FER: variants seen among roughly 807,000 people sequenced by gnomAD.
The protein encoded by FER is tyrosine-protein kinase Fer.
In FER, 63 loss-of-function variants were observed where a neutral mutation model predicts 111.0. The observed-to-expected ratio is 0.57, with a 90% CI of 0.46 to 0.70. FER has a LOEUF of 0.70. Among genes scored for constraint, FER ranks in the 30% least tolerant of loss-of-function variants. The pLI is 0.00. For synonymous variants in FER, 327 were observed against 313.9 expected (o/e 1.04, Z -0.44); for missense variants, 914 against 954.0 (o/e 0.96, Z 0.55).
chr5:109,041,631 G>A (rs1481913522), intron 14 of FER, among the ~76,000 whole-genome samples: 1 of 152,166 alleles, frequency 6.6e-6, no homozygotes, highest in Admixed American at 6.5e-5. Context: ...GAAACTGAGA[G>A]TTTGAATTGT....
At chr5:108,995,502 T>A (rs1295349126) in intron 13 of FER, among the ~76,000 whole-genome samples, 1 of 151,858 alleles carries the variant, frequency 6.6e-6, no homozygotes, top group Non-Finnish European at 1.5e-5. Flanking sequence ...CACTTATGAA[T>A]GAGAACATGT....
At chr5:109,165,465 G>A (rs1756431715) in intron 17 of FER, among the ~76,000 whole-genome samples, 1 of 152,084 alleles carries the variant, frequency 6.6e-6, no homozygotes, top group Non-Finnish European at 1.5e-5. Flanking sequence ...GTTAACCAAA[G>A]GTCATCAGAT....
chr5:108,992,743 G>A (rs190765434), intron 13 of FER, among the ~76,000 whole-genome samples: 6 of 151,338 alleles, frequency 4.0e-5, no homozygotes, highest in East Asian at 2.0e-4. Context: ...CTTCCCAGAC[G>A]GGGTGGCTGC....
At chr5:108,816,651 A>G (rs1413316660) in intron 3 of FER, among the ~76,000 whole-genome samples, 1 of 152,236 alleles carries the variant, frequency 6.6e-6, no homozygotes. Flanking sequence ...TTTTTGTACA[A>G]TCTCATGGTT....
At chr5:108,810,246 A>G (rs1014176367) in intron 3 of FER, among the ~76,000 whole-genome samples, 2 of 152,178 alleles carry the variant, frequency 1.3e-5, no homozygotes, top group African/African-American at 4.8e-5. Flanking sequence ...TATATAAGCC[A>G]GTACATAGCG....
intron 4 of FER, 51 bp downstream of exon 4, chr5:108,832,994 CA>C: frequency 1.4e-6 from 2 of 1,473,954 alleles, no homozygotes; most frequent in Admixed American, 2.2e-5. Context: ...TCCAAATTCA[CA>C]GAAATATTTT....
At chr5:108,828,958 T>G (rs987009188) in intron 3 of FER, among the ~76,000 whole-genome samples, 2 of 152,114 alleles carry the variant, frequency 1.3e-5, no homozygotes, top group African/African-American at 4.8e-5. Context: ...GAAAAAGAAT[T>G]ATCTTCCACA....
chr5:108,825,440 C>T (rs1325425806), intron 3 of FER, among the ~76,000 whole-genome samples: 1 of 152,244 alleles, frequency 6.6e-6, no homozygotes, highest in African/African-American at 2.4e-5. Flanking sequence ...CTCTGTTCTG[C>T]CCAGCTCACC....
chr5:109,047,234 T>A, intron 16 of FER, 36 bp downstream of exon 16: 5 of 1,146,558 alleles, frequency 4.4e-6, no homozygotes, highest in Non-Finnish European at 6.5e-6. Flanking sequence ...TGATGACATT[T>A]TAATGTCATG....
intron 1 of FER, among the ~76,000 whole-genome samples, chr5:108,758,313 G>T (rs911705429): frequency 6.6e-6 from 1 of 151,594 alleles, no homozygotes; most frequent in African/African-American, 2.4e-5. Flanking sequence ...ACCTAGAGTT[G>T]AATCTGTGCT....
At chr5:108,890,306 G>A (rs79412232) in intron 9 of FER, among the ~76,000 whole-genome samples, 4 of 152,056 alleles carry the variant, frequency 2.6e-5, no homozygotes, top group Non-Finnish European at 5.9e-5. Flanking sequence ...GTTTCTTAGG[G>A]CTGCTGTAAT....
At chr5:108,823,698 A>T (rs967335205) in intron 3 of FER, among the ~76,000 whole-genome samples, 12 of 152,128 alleles carry the variant, frequency 7.9e-5, no homozygotes, top group African/African-American at 2.9e-4. Flanking sequence ...TTAGATATAT[A>T]ATTTGCAAAT....
intron 16 of FER, among the ~76,000 whole-genome samples, chr5:109,076,961 C>G (rs1378107608): frequency 2.0e-5 from 3 of 152,176 alleles, no homozygotes; most frequent in Non-Finnish European, 4.4e-5. Context: ...ATGGCCAGAG[C>G]CAATACACAG....
At chr5:108,992,389 G>C (rs1763315318) in intron 13 of FER, among the ~76,000 whole-genome samples, 1 of 152,116 alleles carries the variant, frequency 6.6e-6, no homozygotes, top group Non-Finnish European at 1.5e-5. Context: ...TGAGCTGTTG[G>C]GTACACCTCC....
chr5:108,950,711 T>G (rs1044237417), intron 11 of FER, among the ~76,000 whole-genome samples: 3 of 152,206 alleles, frequency 2.0e-5, no homozygotes, highest in African/African-American at 7.2e-5. Context: ...CATTATTTTT[T>G]GTTTTCATTT....
In FER at chr5:109,104,202, A is replaced by T. The variant is rs143623771; in HGVS notation, c.2048+3683A>T. On this transcript the variant is annotated intron_variant, in intron 17 of 19. Transcript: ENST00000281092. ...GAGTAAGCTAACAACTTTACAAATT[A>T]AAGTATATTAGACCACATTTATTTT... Among the ~76,000 whole-genome samples, 56 of 152,346 alleles carry T rather than the reference A, an allele frequency of 3.7e-4. No individual in the cohort carries two copies. In the East Asian group the frequency reaches 0.01, roughly 28 times the overall value.
intron 10 of FER, among the ~76,000 whole-genome samples, chr5:108,916,817 C>T (rs993197375): frequency 1.3e-5 from 2 of 152,028 alleles, no homozygotes; most frequent in Non-Finnish European, 1.5e-5. Context: ...TACTGAGATT[C>T]GTTTTTGTTC....
intron 10 of FER, among the ~76,000 whole-genome samples, chr5:108,917,021 A>T (rs1752358665): frequency 1.3e-5 from 2 of 152,144 alleles, no homozygotes; most frequent in South Asian, 4.1e-4. Context: ...TTTCATTCAT[A>T]TAATTGTCTT....
At chr5:108,840,489 C>T (rs1323063341) in intron 5 of FER, among the ~76,000 whole-genome samples, 2 of 151,222 alleles carry the variant, frequency 1.3e-5, no homozygotes, top group Non-Finnish European at 2.9e-5. Context: ...GACTCTTAGT[C>T]TTTTCATCTA....
Sources: allele counts gnomAD v4.1 joint callset (sites outside exome capture counted in the v4.1 genomes callset), GRCh38; gene constraint gnomAD v4.1.1; transcripts MANE v1.5; gene names NCBI Gene and HGNC (gene_info 2026-07-23, HGNC 2026-07-21).